DLG2: variants seen among roughly 807,000 people sequenced by gnomAD.
DLG2 encodes the protein discs large MAGUK scaffold protein 2.
DLG2 carries 45 observed loss-of-function variants against 132.5 expected under a neutral mutation model. The observed-to-expected ratio is 0.34, with a 90% CI of 0.27 to 0.44. The LOEUF is 0.44. DLG2 is among the 20% of genes least tolerant of loss of function. The pLI is 1.00. For missense variants in DLG2, 1,045 were observed against 1,196.9 expected, an observed-to-expected ratio of 0.87 and a Z score of 1.87; for synonymous variants, 424 against 419.6, an observed-to-expected ratio of 1.01 and a Z score of -0.13.
At chr11:84,146,593 T>C (rs940433132) in intron 9 of DLG2, among the ~76,000 whole-genome samples, 3 of 152,172 alleles carry the variant, frequency 2.0e-5, no homozygotes, top group African/African-American at 7.2e-5. Context: ...ATGAAGAATC[T>C]ATGCAATGCA....
In DLG2 at chr11:84,224,792, T is replaced by A. The variant is rs78265055; in HGVS notation, c.573+26446A>T. 7.2e-4 allele frequency among the ~76,000 whole-genome samples: 109 copies of A among 152,310 alleles called. No individual in the cohort carries two copies. The East Asian group carries it at 0.018, about 25-fold the overall frequency. ...TGCATCCTCTCACTGTTTCTAATCT[T>A]ACGGATCTTATTCCTGAAACACCAA... On this transcript the variant is annotated intron_variant, in intron 8 of 27. Coordinates refer to ENST00000376104, the MANE Select transcript of DLG2 (RefSeq NM_001142699.3).
intron 7 of DLG2, among the ~76,000 whole-genome samples, chr11:84,259,505 C>T (rs193033609): frequency 8.7e-4 from 132 of 152,192 alleles, no homozygotes; most frequent in Non-Finnish European, 1.7e-3. Context: ...TACTGAGACA[C>T]GAACAGTGCT....
In DLG2 at chr11:85,223,470, T is replaced by C. The variant is rs76451624; in HGVS notation, c.186+61750A>G. On this transcript the variant is annotated intron_variant, in intron 4 of 27. Coordinates refer to ENST00000376104, the MANE Select transcript of DLG2 (RefSeq NM_001142699.3). ...GGAAACATGGTGAAACCCATCTCTA[T>C]TAAAAAAAATTTATATATATATAGC... 2.6e-3 allele frequency among the ~76,000 whole-genome samples: 390 copies of C among 152,022 alleles called. 3 individuals carry two copies. Among genetic ancestry groups the C allele is most frequent in the East Asian group, 0.025 (129 of 5,156 alleles).
At chr11:85,114,903 A>T (rs536114826) in intron 5 of DLG2, among the ~76,000 whole-genome samples, 2 of 152,012 alleles carry the variant, frequency 1.3e-5, no homozygotes, top group South Asian at 4.2e-4. Context: ...TTATATATAC[A>T]TTGAGCCCTT....
At chr11:83,862,472 T>A (rs548242412) in intron 16 of DLG2, among the ~76,000 whole-genome samples, 1 of 152,210 alleles carries the variant, frequency 6.6e-6, no homozygotes, top group Admixed American at 6.5e-5. Context: ...AATATTGAGA[T>A]GGTTAATGGG....
intron 16 of DLG2, among the ~76,000 whole-genome samples, chr11:83,869,969 G>A (rs564579012): frequency 1.3e-5 from 2 of 152,256 alleles, no homozygotes; most frequent in East Asian, 3.9e-4. Flanking sequence ...CTTACTCTTA[G>A]CAGTGTTAAC....
intron 3 of DLG2, among the ~76,000 whole-genome samples, chr11:85,307,940 C>A (rs1329461803): frequency 6.6e-6 from 1 of 151,964 alleles, no homozygotes; most frequent in East Asian, 1.9e-4. Context: ...AGATCACTTG[C>A]AGTCAGGAGT....
chr11:84,786,564 C>T (rs1034143815), intron 6 of DLG2, among the ~76,000 whole-genome samples: 1 of 152,120 alleles, frequency 6.6e-6, no homozygotes, highest in Non-Finnish European at 1.5e-5. Flanking sequence ...TTCTCTGTTC[C>T]GCCTTCCGTC....
intron 4 of DLG2, among the ~76,000 whole-genome samples, chr11:85,269,444 G>A (rs1358693839): frequency 6.6e-6 from 1 of 152,142 alleles, no homozygotes; most frequent in Non-Finnish European, 1.5e-5. Flanking sequence ...AGACTTCTTA[G>A]GATTCCATGA....
intron 3 of DLG2, among the ~76,000 whole-genome samples, chr11:85,394,086 A>C (rs2087059111): frequency 6.6e-6 from 1 of 152,214 alleles, no homozygotes; most frequent in Non-Finnish European, 1.5e-5. Context: ...AATCTAGAAA[A>C]AAGAATCTAT....
At chr11:84,668,725 C>A (rs2099702487) in intron 6 of DLG2, among the ~76,000 whole-genome samples, 3 of 152,138 alleles carry the variant, frequency 2.0e-5, no homozygotes, top group Non-Finnish European at 4.4e-5. Flanking sequence ...GTCACCATTT[C>A]CCCTTAGTAA....
intron 6 of DLG2, among the ~76,000 whole-genome samples, chr11:85,009,296 T>C (rs1297420275): frequency 1.3e-5 from 2 of 152,102 alleles, no homozygotes; most frequent in Non-Finnish European, 2.9e-5. Flanking sequence ...AATTCAGTGA[T>C]ACCAAATAAA....
intron 7 of DLG2, among the ~76,000 whole-genome samples, chr11:84,254,382 T>C (rs2097432536): frequency 1.3e-5 from 2 of 152,194 alleles, no homozygotes; most frequent in Admixed American, 1.3e-4. Flanking sequence ...AAGAAGACTG[T>C]ATGTCTAAAA....
At chr11:83,668,867 A>ATATATATAT (rs768513119) in intron 18 of DLG2, among the ~76,000 whole-genome samples, 1 of 110,378 alleles carries the variant, frequency 9.1e-6, no homozygotes, top group African/African-American at 3.6e-5. Flanking sequence ...ATATATATAT[A>ATATATATAT]TTTTTTTTTT....
intron 3 of DLG2, among the ~76,000 whole-genome samples, chr11:85,341,674 G>T (rs958479272): frequency 6.6e-6 from 1 of 151,982 alleles, no homozygotes; most frequent in Non-Finnish European, 1.5e-5. Flanking sequence ...TGTACTTTTA[G>T]GACAAAAGTA....
intron 4 of DLG2, among the ~76,000 whole-genome samples, chr11:85,163,379 A>G (rs1163732718): frequency 6.6e-6 from 1 of 152,064 alleles, no homozygotes; most frequent in Non-Finnish European, 1.5e-5. Flanking sequence ...CCTCTGAAGA[A>G]CTCTAATTGG....
At chr11:84,006,903 C>G (rs1479134518) in intron 11 of DLG2, among the ~76,000 whole-genome samples, 1 of 151,590 alleles carries the variant, frequency 6.6e-6, no homozygotes, top group African/African-American at 2.4e-5. Flanking sequence ...CTTCACAAAA[C>G]CAAATTGTGA....
intron 3 of DLG2, among the ~76,000 whole-genome samples, chr11:85,345,154 C>T (rs985020981): frequency 6.6e-6 from 1 of 152,102 alleles, no homozygotes; most frequent in African/African-American, 2.4e-5. Flanking sequence ...TCATTATGCA[C>T]ACGGTCTCTT....
chr11:83,737,963 C>G (rs902330564), intron 18 of DLG2, among the ~76,000 whole-genome samples: 1 of 152,060 alleles, frequency 6.6e-6, no homozygotes, highest in Admixed American at 6.6e-5. Flanking sequence ...ATACCTGTGC[C>G]CCCTTGCTCT....
Sources: gnomAD v4.1 joint callset for allele counts (sites outside exome capture counted in the v4.1 genomes callset) on GRCh38, gnomAD v4.1.1 for gene constraint, MANE v1.5 for transcripts, NCBI Gene and HGNC (gene_info 2026-07-23, HGNC 2026-07-21) for gene names.